The following SRP72 variants were observed in gnomAD, a reference collection of about 807,000 sequenced individuals.
SRP72 encodes signal recognition particle 72.
A neutral mutation model predicts 96.3 loss-of-function variants in SRP72; 49 were observed. That is an observed-to-expected ratio of 0.51 (90% confidence interval 0.40 to 0.65). The LOEUF (loss-of-function observed/expected upper bound fraction) is 0.65. Among genes scored for constraint, SRP72 ranks in the 30% least tolerant of loss-of-function variants. The probability of loss-of-function intolerance (pLI) is 0.00; values close to 1 mark genes in which losing one functional copy is unlikely to be tolerated. For synonymous variants in SRP72, 267 were observed against 275.2 expected (o/e 0.97, Z 0.30); for missense variants, 736 against 793.3 (o/e 0.93, Z 0.87).
chr4:56,476,714 A>T lies in SRP72; in HGVS notation c.642+12A>T. On this transcript the variant is annotated intron_variant, in intron 6 of 18. Coordinates refer to ENST00000642900, the MANE Select transcript of SRP72 (RefSeq NM_006947.4). ...TATCAGAAGACACTGTAAGTATTCCATCATTGTTAAACCTAAATTTTACAC... is the reference window on the plus strand; with the variant it reads ...TATCAGAAGACACTGTAAGTATTCCTTCATTGTTAAACCTAAATTTTACAC... 6.2e-7 allele frequency: 1 copy of T among 1,612,114 alleles called. No homozygotes were observed. The highest frequency in any genetic ancestry group is 1.1e-5 in the South Asian group (1 of 90,872).
At chr4:56,471,865 A>C in intron 3 of SRP72, 22 bp downstream of exon 3, 1 of 1,613,070 alleles carries the variant, frequency 6.2e-7, no homozygotes, top group Non-Finnish European at 8.5e-7. Context: ...TTTTAAATAC[A>C]TGTTGACAGT....
At chr4:56,491,103 T>G (rs1720890759) in intron 15 of SRP72, among the ~76,000 whole-genome samples, 1 of 152,174 alleles carries the variant, frequency 6.6e-6, no homozygotes. Context: ...GGTGGGTTGG[T>G]GGATGCTAAG....
intron 15 of SRP72, among the ~76,000 whole-genome samples, chr4:56,491,096 G>C (rs561281922): frequency 8.5e-5 from 13 of 152,274 alleles, no homozygotes; most frequent in African/African-American, 3.1e-4. Context: ...AAACTGAGGT[G>C]GGTTGGTGGA....
chr4:56,497,650 A>G (rs1388965611), intron 17 of SRP72, among the ~76,000 whole-genome samples: 4 of 151,904 alleles, frequency 2.6e-5, no homozygotes, highest in African/African-American at 9.7e-5. Flanking sequence ...ACCTTGCCCT[A>G]TCCATCTTTA....
chr4:56,490,599 C>G lies in SRP72; in HGVS notation c.1456C>G (p.Gln486Glu). The change falls in exon 15 of 19, where the codon CAG (glutamine) becomes GAG (glutamate). Residue 486 changes from glutamine (Q) to glutamate (E), a missense_variant. Around this residue, in one of 3 missense-constraint regions of SRP72, gnomAD observed 388 missense variants for 431.8 expected, o/e 0.90. Transcript: ENST00000642900. ...QNPKDIHTLA[Q>E]LISAYSLVDP... ...TCCAAAAGATATTCACACCCTGGCA[C>G]AGCTTATTTCTGCTTACTCACTTGT... 2 of 1,613,942 alleles carry G rather than the reference C, an allele frequency of 1.2e-6. No individual in the cohort carries two copies. The highest frequency in any genetic ancestry group is 2.2e-5 in the South Asian group (2 of 91,056).
intron 17 of SRP72, among the ~76,000 whole-genome samples, chr4:56,497,710 A>G (rs918843678): frequency 1.2e-4 from 18 of 152,022 alleles, no homozygotes; most frequent in African/African-American, 3.6e-4. Flanking sequence ...TTAACTTTGT[A>G]TCTCTTGGGT....
In SRP72 at chr4:56,476,678, C is replaced by G. The variant is rs757206644; in HGVS notation, c.618C>G (p.Cys206Trp). The G allele has an allele frequency of 6.2e-7, 1 of 1,612,234 alleles. No homozygotes were observed. The highest frequency in any genetic ancestry group is 1.3e-5 in the African/African-American group (1 of 74,868). The change falls in exon 6 of 19, where the codon TGC becomes TGG. Residue 206 changes from cysteine to tryptophan, a missense_variant. Physicochemically the swap from Cys to Trp is radical, Grantham distance 215. Around this residue, in one of 3 missense-constraint regions of SRP72, gnomAD observed 329 missense variants for 319.0 expected, o/e 1.03. Transcript: ENST00000642900. ...MKILQKAEDL[C>W]RRSLSEDTDG... ...ACAATTTTTCTCCTGTAGATCTTTG[C>G]CGCCGTTCATTATCAGAAGACACTG...
chr4:56,499,770 G>A (rs1347418457), intron 17 of SRP72, among the ~76,000 whole-genome samples: 1 of 152,194 alleles, frequency 6.6e-6, no homozygotes, highest in East Asian at 1.9e-4. Flanking sequence ...GTTGGTGGGA[G>A]TGTAAATTAG....
chr4:56,494,696 T>A (rs937408471), intron 16 of SRP72, among the ~76,000 whole-genome samples: 17 of 152,098 alleles, frequency 1.1e-4, no homozygotes, highest in African/African-American at 3.9e-4. Context: ...GAGCCACTGT[T>A]CCCAGCCACT....
At chr4:56,488,583 A>G (rs1437118556) in intron 12 of SRP72, among the ~76,000 whole-genome samples, 1 of 152,314 alleles carries the variant, frequency 6.6e-6, no homozygotes, top group Non-Finnish European at 1.5e-5. Flanking sequence ...GGATCGTGCT[A>G]TAATTACTTT....
In SRP72 at chr4:56,502,330, TAAAG is replaced by T. The variant is rs1471310694; in HGVS notation, c.*471_*474del. On this transcript the variant is annotated 3_prime_UTR_variant, in exon 19 of 19. Transcript: ENST00000642900. ...ATATCTGCTTAGAAATATCATGTGA[TAAAG>T]AGGGACCTTCTTAATACACTGATGT... 6.5e-6 allele frequency: 1 copy of T among 154,968 alleles called. No individual in the cohort carries two copies. Among genetic ancestry groups the T allele is most frequent in the African/African-American group, 2.4e-5 (1 of 41,404 alleles). 9.6% of individuals were successfully genotyped at this position (154,968 alleles called of 1,614,324 possible).
chr4:56,501,771 ACC>A lies in SRP72; in HGVS notation c.1930_1931del (p.Pro644LysfsTer48). 6.2e-7 allele frequency: 1 copy of A among 1,614,106 alleles called. No homozygotes were observed. Among genetic ancestry groups the A allele is most frequent in the Non-Finnish European group, 8.5e-7 (1 of 1,180,008 alleles). Reference sequence around the variant, plus strand: ...TATCTGCCTCTACAAGTAACATCATACCCCCAAGACACCAGAAACCTGCAGGG... The same window carrying A: ...TATCTGCCTCTACAAGTAACATCATACCCAAGACACCAGAAACCTGCAGGG... ...TVSASTSNII[P>X]PRHQKPAGAP... On this transcript the variant is annotated frameshift_variant, in exon 19 of 19. Transcript: ENST00000642900. LOFTEE classifies it high-confidence loss of function.
Position 56,483,242 on chromosome 4 carries a change from A to C in SRP72, c.929A>C (p.Lys310Thr). Residue 310 changes from lysine (K) to threonine (T), a missense_variant, in exon 9 of 19, where the codon AAA becomes ACA. By Grantham distance (78) the Lys-to-Thr change is moderately conservative. Transcript: ENST00000642900. Reference protein sequence around the residue: ...KKQLQAIEFNKALLAMYTNQA... With the variant: ...KKQLQAIEFNTALLAMYTNQA... ...CAACTACAAGCTATAGAATTTAACA[A>C]AGCTTTACTTGCTATGTACACAAAC... 1 of 1,613,086 alleles carries C rather than the reference A, an allele frequency of 6.2e-7. No homozygotes were observed. The highest frequency in any genetic ancestry group is 8.5e-7 in the Non-Finnish European group (1 of 1,179,762).
chr4:56,484,705 A>C, intron 9 of SRP72, 31 bp from the exon 10 acceptor site: 2 of 1,610,332 alleles, frequency 1.2e-6, no homozygotes, highest in Non-Finnish European at 1.7e-6. Flanking sequence ...TAACCAGTTT[A>C]TTTTTCTTGT....
At chr4:56,500,369 T>G in intron 17 of SRP72, 167 bp from the exon 18 acceptor site, 1 of 703,446 alleles carries the variant, frequency 1.4e-6, no homozygotes, top group Non-Finnish European at 2.3e-6. Context: ...GTATAATAAT[T>G]TAAAAAAAAA....
intron 3 of SRP72, among the ~76,000 whole-genome samples, chr4:56,472,159 A>G (rs749868737): frequency 3.2e-4 from 49 of 152,166 alleles, no homozygotes; most frequent in Non-Finnish European, 5.9e-4. Flanking sequence ...TTGAAATACT[A>G]TTTCACTAAT....
chr4:56,481,473 A>T (rs1720480727), intron 8 of SRP72, among the ~76,000 whole-genome samples: 1 of 152,168 alleles, frequency 6.6e-6, no homozygotes, highest in African/African-American at 2.4e-5. Flanking sequence ...CTTTGGGCAG[A>T]TAACACTGTG....
At chr4:56,479,786 A>G (rs1720409721) in intron 8 of SRP72, among the ~76,000 whole-genome samples, 2 of 152,118 alleles carry the variant, frequency 1.3e-5, no homozygotes. Flanking sequence ...CCAGCCTGGA[A>G]AAACATTTCA....
intron 3 of SRP72, among the ~76,000 whole-genome samples, chr4:56,473,096 T>C (rs1312762153): frequency 6.6e-6 from 1 of 152,172 alleles, no homozygotes; most frequent in Non-Finnish European, 1.5e-5. Flanking sequence ...AATATTTTCA[T>C]TGTAATTTTA....
Sources: gnomAD v4.1 joint callset for allele counts (sites outside exome capture counted in the v4.1 genomes callset) on GRCh38, gnomAD v4.1.1 for gene constraint, gnomAD v4.1.1 regional missense constraint, MANE v1.5 for transcripts, NCBI Gene and HGNC (gene_info 2026-07-23, HGNC 2026-07-21) for gene names.